GALNT17: variants seen among roughly 807,000 people sequenced by gnomAD.
GALNT17 encodes the protein UDP-GalNAc:polypeptide N-acetylgalactosaminyltransferase-like 3.
In GALNT17, 29 loss-of-function variants were observed where a neutral mutation model predicts 63.7. The observed-to-expected ratio is 0.46, with a 90% confidence interval of 0.34 to 0.62. The LOEUF (loss-of-function observed/expected upper bound fraction) is 0.62, where lower values mean the gene tolerates loss of function less well. Among genes scored for constraint, GALNT17 ranks in the 20% least tolerant of loss-of-function variants. The pLI is 0.01. For missense variants in GALNT17, 603 were observed against 799.6 expected (o/e 0.75, Z 2.97); for synonymous variants, 305 against 318.3 (o/e 0.96, Z 0.45).
chr7:71,315,715 C>T (rs1791487191), intron 1 of GALNT17, among the ~76,000 whole-genome samples: 1 of 152,142 alleles, frequency 6.6e-6, no homozygotes, highest in South Asian at 2.1e-4. Flanking sequence ...CCCTGAGGTT[C>T]TTCCGCAAGA....
intron 1 of GALNT17, among the ~76,000 whole-genome samples, chr7:71,215,717 T>G (rs1455934895): frequency 6.6e-6 from 1 of 152,184 alleles, no homozygotes; most frequent in African/African-American, 2.4e-5. Flanking sequence ...TGATGTTTCC[T>G]CATGGAATTT....
intron 5 of GALNT17, among the ~76,000 whole-genome samples, chr7:71,541,166 C>T (rs1788884364): frequency 1.3e-5 from 2 of 151,774 alleles, no homozygotes; most frequent in African/African-American, 2.4e-5. Flanking sequence ...ATCACTTGAA[C>T]CCTGGAGGCA....
intron 1 of GALNT17, among the ~76,000 whole-genome samples, chr7:71,153,078 G>A (rs963446520): frequency 7.2e-5 from 11 of 152,272 alleles, no homozygotes; most frequent in African/African-American, 2.6e-4. Context: ...TTCCTAGTCA[G>A]CTGATCTCCA....
chr7:71,281,113 G>T (rs2115754075), intron 1 of GALNT17, among the ~76,000 whole-genome samples: 1 of 152,312 alleles, frequency 6.6e-6, no homozygotes, highest in South Asian at 2.1e-4. Context: ...CAGGTTTGAG[G>T]AGCTGTCAGA....
intron 5 of GALNT17, among the ~76,000 whole-genome samples, chr7:71,506,401 G>A (rs1788269850): frequency 6.6e-6 from 1 of 151,966 alleles, no homozygotes; most frequent in Non-Finnish European, 1.5e-5. Context: ...CGAGTAGCTG[G>A]GATTACAGGC....
At chr7:71,629,168 G>A (rs1306270434) in intron 6 of GALNT17, among the ~76,000 whole-genome samples, 1 of 152,056 alleles carries the variant, frequency 6.6e-6, no homozygotes, top group Non-Finnish European at 1.5e-5. Context: ...GAAGTGCATG[G>A]CACCTGTGGA....
chr7:71,577,402 G>A (rs1300890276), intron 6 of GALNT17, among the ~76,000 whole-genome samples: 1 of 152,072 alleles, frequency 6.6e-6, no homozygotes, highest in African/African-American at 2.4e-5. Context: ...CAAGAAATGA[G>A]CTCTCCATTC....
At chr7:71,437,189 T>C (rs1053355297) in intron 5 of GALNT17, among the ~76,000 whole-genome samples, 5 of 152,196 alleles carry the variant, frequency 3.3e-5, no homozygotes, top group African/African-American at 7.2e-5. Context: ...ACAAGCTATT[T>C]AGATAAACTA....
chr7:71,331,894 TC>T (rs1174798462), intron 1 of GALNT17, among the ~76,000 whole-genome samples: 1 of 152,178 alleles, frequency 6.6e-6, no homozygotes, highest in African/African-American at 2.4e-5. Flanking sequence ...ATGGTTGCTG[TC>T]ACTACTGTTA....
chr7:71,390,810 G>A (rs1793036305), intron 3 of GALNT17, among the ~76,000 whole-genome samples: 1 of 152,164 alleles, frequency 6.6e-6, no homozygotes, highest in African/African-American at 2.4e-5. Context: ...TGATCTCTGA[G>A]TGGGGAAGTA....
chr7:71,543,630 A>G (rs1038498618), intron 5 of GALNT17, among the ~76,000 whole-genome samples: 2 of 152,044 alleles, frequency 1.3e-5, no homozygotes, highest in Non-Finnish European at 2.9e-5. Flanking sequence ...CCTGTTGGCC[A>G]TATTGAGTCT....
At chr7:71,585,124 ACTT>A (rs1789696233) in intron 6 of GALNT17, among the ~76,000 whole-genome samples, 2 of 152,142 alleles carry the variant, frequency 1.3e-5, no homozygotes, top group Admixed American at 1.3e-4. Flanking sequence ...AAGGTTGATT[ACTT>A]CTTCCTTTAT....
intron 9 of GALNT17, among the ~76,000 whole-genome samples, chr7:71,690,567 G>T (rs1300597497): frequency 1.3e-5 from 2 of 152,140 alleles, no homozygotes; most frequent in African/African-American, 4.8e-5. Context: ...GACTGTAGCT[G>T]CCATAGATAG....
At chr7:71,472,354 AC>A (rs1272324060) in intron 5 of GALNT17, among the ~76,000 whole-genome samples, 3 of 152,206 alleles carry the variant, frequency 2.0e-5, no homozygotes, top group Non-Finnish European at 4.4e-5. Flanking sequence ...TGTTTACTGA[AC>A]TTCTGAAGCA....
intron 1 of GALNT17, among the ~76,000 whole-genome samples, chr7:71,145,561 G>A (rs1788003661): frequency 6.6e-6 from 1 of 152,094 alleles, no homozygotes; most frequent in African/African-American, 2.4e-5. Context: ...TAGGACAATT[G>A]GTAGCAAACA....
At chr7:71,345,833 A>G (rs1792081331) in intron 2 of GALNT17, among the ~76,000 whole-genome samples, 1 of 151,980 alleles carries the variant, frequency 6.6e-6, no homozygotes, top group Admixed American at 6.6e-5. Context: ...CTCTAACAAT[A>G]GATACCCTGT....
At chr7:71,331,714 T>TAA (rs11422489) in intron 1 of GALNT17, among the ~76,000 whole-genome samples, 17 of 150,942 alleles carry the variant, frequency 1.1e-4, no homozygotes, top group African/African-American at 4.1e-4. Flanking sequence ...GACCATCCCT[T>TAA]AAAAAAAAAG....
chr7:71,449,996 C>T (rs927482832), intron 5 of GALNT17, among the ~76,000 whole-genome samples: 3 of 149,534 alleles, frequency 2.0e-5, no homozygotes, highest in Admixed American at 6.7e-5. Context: ...GAGCCGAGAT[C>T]GTGCCATCGC....
chr7:71,439,511 C>T (rs1158827380), intron 5 of GALNT17, among the ~76,000 whole-genome samples: 1 of 152,156 alleles, frequency 6.6e-6, no homozygotes, highest in Non-Finnish European at 1.5e-5. Context: ...ACTTTCTCTG[C>T]GATGACAAGC....
Sources: allele counts gnomAD v4.1 joint callset (sites outside exome capture counted in the v4.1 genomes callset), GRCh38; gene constraint gnomAD v4.1.1; transcripts MANE v1.5; gene names NCBI Gene and HGNC (gene_info 2026-07-23, HGNC 2026-07-21).